The following YIPF4 variants were observed in gnomAD, a reference collection of about 807,000 sequenced individuals.
The protein encoded by YIPF4 is protein YIPF4.
YIPF4 carries 18 observed loss-of-function variants against 29.4 expected under a neutral mutation model. The observed-to-expected ratio is 0.61, with a 90% confidence interval of 0.42 to 0.91. The LOEUF is 0.91. YIPF4 is among the 40% of genes least tolerant of loss of function. The pLI, the probability that YIPF4 is intolerant of heterozygous loss-of-function variation, is 0.00. For missense variants in YIPF4, 279 were observed against 282.7 expected (o/e 0.99, Z 0.09); for synonymous variants, 115 against 104.7 (o/e 1.10, Z -0.60).
chr2:32,285,269 T>C (rs1230501861), intron 1 of YIPF4, among the ~76,000 whole-genome samples: 1 of 152,176 alleles, frequency 6.6e-6, no homozygotes, highest in East Asian at 1.9e-4. Context: ...ATTAGTAGTA[T>C]CATTTAATGA....
rs1291773269 is a variant in YIPF4 at position 32,313,709 on chromosome 2, T to C, written c.*8083T>C. 1 of 149,436 alleles carries C rather than the reference T, an allele frequency of 6.7e-6. No individual in the cohort carries two copies. The highest frequency in any genetic ancestry group is 2.1e-4 in the South Asian group (1 of 4,728). 9.3% of individuals were successfully genotyped at this position (149,436 alleles called of 1,614,324 possible). A position where few individuals can be genotyped will look rare whatever the true frequency, so the allele number is the denominator to read the frequency against. On this transcript the variant is annotated 3_prime_UTR_variant, in exon 6 of 6. Coordinates refer to ENST00000238831, the MANE Select transcript of YIPF4 (RefSeq NM_032312.4). ...GAAATACGGTATCAGAAATGTGCTT[T>C]ATTTTATTTTATTAGACAAAGTCTT... is the stretch of plus-strand genomic sequence containing the variant.
chr2:32,285,778 C>G (rs1008663314), intron 1 of YIPF4, among the ~76,000 whole-genome samples: 31 of 152,000 alleles, frequency 2.0e-4, no homozygotes, highest in African/African-American at 7.0e-4. Flanking sequence ...GCCTCAGCCT[C>G]CCAAGTAGCT....
intron 1 of YIPF4, among the ~76,000 whole-genome samples, chr2:32,287,474 A>C (rs2030728390): frequency 1.3e-5 from 2 of 152,176 alleles, no homozygotes; most frequent in African/African-American, 4.8e-5. Context: ...CGTATATAAG[A>C]ATGTGTCAAG....
chr2:32,295,610 A>G (rs1157957783), intron 3 of YIPF4, among the ~76,000 whole-genome samples: 1 of 151,594 alleles, frequency 6.6e-6, no homozygotes, highest in Non-Finnish European at 1.5e-5. Context: ...TTCAGTTTCC[A>G]TCTTTTTTTT....
intron 1 of YIPF4, among the ~76,000 whole-genome samples, chr2:32,286,200 A>G (rs1322341705): frequency 6.6e-6 from 1 of 152,216 alleles, no homozygotes; most frequent in African/African-American, 2.4e-5. Context: ...GTGCATGTCA[A>G]ACTGGTGAAA....
chr2:32,278,072 C>T lies in YIPF4; in HGVS notation c.-84C>T, dbSNP rs1573519134. ...CTCGTAGGCCGCACCGTAGGGCGAG[C>T]GTGCGGGTCGCCGCCGCGGCCGCCT... is the stretch of plus-strand genomic sequence containing the variant. On this transcript the variant is annotated 5_prime_UTR_variant, in exon 1 of 6. Transcript: ENST00000238831. 4.1e-6 allele frequency: 5 copies of T among 1,208,460 alleles called. No homozygotes were observed. Among genetic ancestry groups the T allele is most frequent in the African/African-American group, 1.6e-5 (1 of 62,640 alleles). 74.9% of individuals were successfully genotyped at this position (1,208,460 alleles called of 1,614,324 possible). A position where few individuals can be genotyped will look rare whatever the true frequency, so the allele number is the denominator to read the frequency against.
At chr2:32,299,094 T>C (rs1361481774) in intron 4 of YIPF4, among the ~76,000 whole-genome samples, 1 of 152,114 alleles carries the variant, frequency 6.6e-6, no homozygotes, top group Non-Finnish European at 1.5e-5. Flanking sequence ...GTCAAGCTGG[T>C]CTCAAACTCC....
chr2:32,279,522 C>T (rs1467046875), intron 1 of YIPF4, among the ~76,000 whole-genome samples: 3 of 151,056 alleles, frequency 2.0e-5, no homozygotes, highest in East Asian at 2.0e-4. Flanking sequence ...CTCAGCCTCC[C>T]GTGTAGCTGG....
Position 32,308,784 on chromosome 2 carries a change from C to G in YIPF4, c.*3158C>G, listed in dbSNP as rs542638330. 6.6e-6 allele frequency: 1 copy of G among 152,556 alleles called. No individual in the cohort carries two copies. The highest frequency in any genetic ancestry group is 3.3e-3 in the Middle Eastern group (1 of 302). The allele number at this position is 152,556 out of a possible 1,614,324, so 9.5% of individuals were successfully genotyped here. A position where few individuals can be genotyped will look rare whatever the true frequency, so the allele number is the denominator to read the frequency against. On this transcript the variant is annotated 3_prime_UTR_variant, in exon 6 of 6. Transcript: ENST00000238831. The stretch of plus-strand genomic sequence containing the variant: ...CTGGGCCGGGCGCGGTGGCTCACGC[C>G]TGTAATCCCAGCACTTTGGGAGGCC...
intron 5 of YIPF4, among the ~76,000 whole-genome samples, chr2:32,302,722 T>C (rs1335578877): frequency 6.6e-6 from 1 of 152,200 alleles, no homozygotes; most frequent in Non-Finnish European, 1.5e-5. Flanking sequence ...GTTTGTTCTT[T>C]ATGGAGAACA....
In YIPF4 at chr2:32,308,490, G is replaced by T; in HGVS notation, c.*2864G>T. 6.6e-6 allele frequency: 1 copy of T among 152,396 alleles called. No homozygotes were observed. 9.4% of individuals were successfully genotyped at this position (152,396 alleles called of 1,614,324 possible). A position where few individuals can be genotyped will look rare whatever the true frequency, so the allele number is the denominator to read the frequency against. ...GCAGTTTGGGAGGCCGAGGCAGGTG[G>T]ATCACCTGAGGTTGGGAGTTTGAGA... On this transcript the variant is annotated 3_prime_UTR_variant, in exon 6 of 6. Transcript: ENST00000238831.
chr2:32,293,527 T>C (rs2031012996), intron 3 of YIPF4, among the ~76,000 whole-genome samples: 1 of 152,226 alleles, frequency 6.6e-6, no homozygotes, highest in South Asian at 2.1e-4. Flanking sequence ...GATTTCTCAA[T>C]CTTTTCCCCA....
rs2031720750 is a variant in YIPF4 at position 32,311,778 on chromosome 2, A to G, written c.*6152A>G. The G allele has an allele frequency of 6.6e-6, 1 of 152,228 alleles. No homozygotes were observed. The highest frequency in any genetic ancestry group is 2.4e-5 in the African/African-American group (1 of 41,472). 9.4% of individuals were successfully genotyped at this position (152,228 alleles called of 1,614,324 possible). On this transcript the variant is annotated 3_prime_UTR_variant, in exon 6 of 6. Transcript: ENST00000238831. ...ACTGAGCAATTTTTATTAAAAACCA[A>G]ACAGAAGTATTTACACAAGAACAAG...
chr2:32,290,021 TATC>T (rs2148960878), intron 1 of YIPF4, among the ~76,000 whole-genome samples: 1 of 152,252 alleles, frequency 6.6e-6, no homozygotes, highest in Non-Finnish European at 1.5e-5. Flanking sequence ...AGAGAAAAAT[TATC>T]TACGAATTTC....
At chr2:32,295,047 G>C (rs1410729694) in intron 3 of YIPF4, among the ~76,000 whole-genome samples, 1 of 151,682 alleles carries the variant, frequency 6.6e-6, no homozygotes, top group East Asian at 1.9e-4. Context: ...GGCATCAGAG[G>C]GAGAGGGGGA....
In YIPF4 at chr2:32,309,681, C is replaced by T. The variant is rs1207503449; in HGVS notation, c.*4055C>T. 8.6e-6 allele frequency: 1 copy of T among 116,268 alleles called. No individual in the cohort carries two copies. The highest frequency in any genetic ancestry group is 2.8e-4 in the East Asian group (1 of 3,614). The allele number at this position is 116,268 out of a possible 1,614,324, so 7.2% of individuals were successfully genotyped here. A position where few individuals can be genotyped will look rare whatever the true frequency, so the allele number is the denominator to read the frequency against. On this transcript the variant is annotated 3_prime_UTR_variant, in exon 6 of 6. Coordinates refer to ENST00000238831, the MANE Select transcript of YIPF4 (RefSeq NM_032312.4). ...TTTTAGGCTTTAGGGAATTGTGACCCTTTTTTTTTTTTTTTTTTTTTTTTT... is the reference window on the plus strand; with the variant it reads ...TTTTAGGCTTTAGGGAATTGTGACCTTTTTTTTTTTTTTTTTTTTTTTTTT...
chr2:32,287,448 A>G (rs1272100904), intron 1 of YIPF4, among the ~76,000 whole-genome samples: 1 of 152,188 alleles, frequency 6.6e-6, no homozygotes, highest in African/African-American at 2.4e-5. Context: ...TTATTAAATA[A>G]GGAAAAGCTT....
rs1157609637 is a variant in YIPF4, at chr2:32,305,548, C to G, written c.657C>G (p.Phe219Leu). Residue 219 changes from phenylalanine (F) to leucine (L), a missense_variant, in exon 6 of 6, where the codon TTC becomes TTG. Phe to Leu is a conservative substitution (Grantham distance 22). Transcript: ENST00000238831. ...CTTCATTGTTAGTGGGTGAAGAATT[C>G]AAGACCAAAAAGCCTCTTCTGATTT... is the stretch of plus-strand genomic sequence containing the variant. The part of the protein sequence containing the change: ...SAASLLVGEE[F>L]KTKKPLLIYP... 4 of 1,610,898 alleles carry G rather than the reference C, an allele frequency of 2.5e-6. No individual in the cohort carries two copies. Among genetic ancestry groups the G allele is most frequent in the Non-Finnish European group, 3.4e-6 (4 of 1,178,656 alleles).
In YIPF4 at chr2:32,315,098, A is replaced by G. The variant is rs955236912; in HGVS notation, c.*9472A>G. On this transcript the variant is annotated 3_prime_UTR_variant, in exon 6 of 6. Transcript: ENST00000238831. ...GAACTCAAGGTCCATTTATTGCTCT[A>G]TTCTGCCATCTTTGGTGAGTGGCTT... is the stretch of plus-strand genomic sequence containing the variant. 4 of 152,190 alleles carry G rather than the reference A, an allele frequency of 2.6e-5. No homozygotes were observed. Among genetic ancestry groups the G allele is most frequent in the Non-Finnish European group, 5.9e-5 (4 of 68,024 alleles). 9.4% of individuals were successfully genotyped at this position (152,190 alleles called of 1,614,324 possible). A position where few individuals can be genotyped will look rare whatever the true frequency, so the allele number is the denominator to read the frequency against.
Sources: gnomAD v4.1 joint callset for allele counts (sites outside exome capture counted in the v4.1 genomes callset) on GRCh38, gnomAD v4.1.1 for gene constraint, MANE v1.5 for transcripts, NCBI Gene and HGNC (gene_info 2026-07-23, HGNC 2026-07-21) for gene names.